The following STPG1 variants were observed in gnomAD, a reference collection of about 807,000 sequenced individuals.
The protein encoded by STPG1 is O(6)-methylguanine-induced apoptosis 2.
A neutral mutation model predicts 40.1 loss-of-function variants in STPG1; 33 were observed. The ratio of observed to expected loss-of-function variants is 0.82; its 90% confidence interval spans 0.62 to 1.10. STPG1 has a LOEUF of 1.10. Among genes scored for constraint, STPG1 ranks in the 50% least tolerant of loss-of-function variants. The pLI is 0.00. For missense variants in STPG1, 396 were observed against 415.1 expected, an observed-to-expected ratio of 0.95 and a Z score of 0.40; for synonymous variants, 150 against 155.0, an observed-to-expected ratio of 0.97 and a Z score of 0.24.
chr1:24,361,168 C>T, intron 7 of STPG1, 127 bp from the exon 8 acceptor site: 1 of 805,970 alleles, frequency 1.2e-6, no homozygotes, highest in Non-Finnish European at 1.9e-6. Context: ...GGCACTGGGG[C>T]AGAGCCCTAG....
chr1:24,359,423 A>G lies in STPG1; in HGVS notation c.929-804T>C, dbSNP rs1037079296. Reference sequence around the variant, plus strand: ...CTCACCCCTTGTATGGAGCATTTGCATGTTTGCAATGCTGAGTTCTCCTCG... The same window carrying G: ...CTCACCCCTTGTATGGAGCATTTGCGTGTTTGCAATGCTGAGTTCTCCTCG... On this transcript the variant is annotated intron_variant, in intron 8 of 8. Transcript: ENST00000337248. The surrounding 1 kb of genome is among the most constrained non-coding windows in gnomAD (Gnocchi z 5.3). 1.3e-5 allele frequency among the ~76,000 whole-genome samples: 2 copies of G among 152,198 alleles called. No homozygotes were observed. Among genetic ancestry groups the G allele is most frequent in the African/African-American group, 2.4e-5 (1 of 41,448 alleles).
rs760946043 is a variant in STPG1 at position 24,358,262 on chromosome 1, T to A, written c.*281A>T. On this transcript the variant is annotated 3_prime_UTR_variant, in exon 9 of 9. Transcript: ENST00000337248. ...CGTGCCGGAAGGCAGCCTGGATGGG[T>A]GCGTGGGGAAGCAGCCAGGGGGCTC... The A allele has an allele frequency of 4.7e-6, 3 of 633,062 alleles. No individual in the cohort carries two copies. The highest frequency in any genetic ancestry group is 4.5e-5 in the South Asian group (3 of 66,120). 39.2% of individuals were successfully genotyped at this position (633,062 alleles called of 1,614,324 possible).
intron 3 of STPG1, among the ~76,000 whole-genome samples, chr1:24,386,200 T>C (rs756911724): frequency 6.6e-6 from 1 of 152,232 alleles, no homozygotes; most frequent in Admixed American, 6.5e-5. Flanking sequence ...AGAGTTGCCA[T>C]TTATCTGAAA....
In STPG1 at chr1:24,358,589, T is replaced by A. The variant is rs777879742; in HGVS notation, c.959A>T (p.Gln320Leu). Residue 320 changes from glutamine to leucine, a missense_variant, in exon 9 of 9, where the codon CAG becomes CTG. Gln to Leu is a moderately radical substitution (Grantham distance 113). Transcript: ENST00000337248. ...ATYKPELPGK[Q>L]SFLYNEDKKW... is the part of the protein sequence containing the mutation. ...CTTGTCCTCGTTGTAGAGGAAGGAC[T>A]GCTTTCCTGGAAGCTCTGGCTTGTA... 1 of 1,614,104 alleles carries A rather than the reference T, an allele frequency of 6.2e-7. No homozygotes were observed. Among genetic ancestry groups the A allele is most frequent in the South Asian group, 1.1e-5 (1 of 91,086 alleles).
rs1276777538 is a variant in STPG1 at position 24,399,290 on chromosome 1, G to A, written c.70+2029C>T. Among the ~76,000 whole-genome samples the A allele has an allele frequency of 6.6e-6, 1 of 152,132 alleles. No individual in the cohort carries two copies. Among genetic ancestry groups the A allele is most frequent in the African/African-American group, 2.4e-5 (1 of 41,434 alleles). The stretch of plus-strand genomic sequence containing the variant: ...GCATATGCCTGGACACTTGATTTAT[G>A]ACAAAGGTAGCAACAGCAATACAGA... On this transcript the variant is annotated intron_variant, in intron 2 of 8. Transcript: ENST00000337248. The surrounding 1 kb of genome is among the most constrained non-coding windows in gnomAD (Gnocchi z 4.0).
Position 24,359,061 on chromosome 1 carries a change from A to G in STPG1, c.929-442T>C, listed in dbSNP as rs1640917054. On this transcript the variant is annotated intron_variant, in intron 8 of 8. Transcript: ENST00000337248. This position sits in a 1 kb window ranked among gnomAD's most constrained non-coding sequence, Gnocchi z 5.3. ...GAACTGTAGCCCCAGGTGACCAGAA[A>G]CTCATGTTGATACTGACTTGGTTAA... Among the ~76,000 whole-genome samples the G allele has an allele frequency of 6.6e-6, 1 of 152,082 alleles. No homozygotes were observed. Among genetic ancestry groups the G allele is most frequent in the African/African-American group, 2.4e-5 (1 of 41,412 alleles).
At chr1:24,379,493 AAG>A (rs1436879069) in intron 5 of STPG1, 158 bp downstream of exon 5, 1 of 729,870 alleles carries the variant, frequency 1.4e-6, no homozygotes, top group African/African-American at 1.8e-5. Flanking sequence ...AATTCCCTGT[AAG>A]AGTCTTGTAC....
chr1:24,366,731 C>T (rs1039782547), intron 7 of STPG1, among the ~76,000 whole-genome samples: 18 of 152,274 alleles, frequency 1.2e-4, no homozygotes, highest in African/African-American at 4.1e-4. Flanking sequence ...AATGCAGACA[C>T]CCTTCTTTCG....
intron 7 of STPG1, among the ~76,000 whole-genome samples, chr1:24,362,354 C>G (rs1641177231): frequency 6.6e-6 from 1 of 152,172 alleles, no homozygotes; most frequent in Admixed American, 6.5e-5. Context: ...GTGTTTGGCA[C>G]CTAGCAATAT....
chr1:24,398,686 A>G (rs990723469), intron 2 of STPG1, among the ~76,000 whole-genome samples: 1 of 152,078 alleles, frequency 6.6e-6, no homozygotes, highest in African/African-American at 2.4e-5. Context: ...AAAATCAATT[A>G]ATTTTTTTGT....
At chr1:24,361,529 TC>T (rs950575324) in intron 7 of STPG1, among the ~76,000 whole-genome samples, 3 of 152,032 alleles carry the variant, frequency 2.0e-5, no homozygotes, top group South Asian at 4.1e-4. Context: ...GAAAGAAGCA[TC>T]CCACATTCCA....
At chr1:24,408,770 CATTT>C (rs1169007238) in intron 1 of STPG1, among the ~76,000 whole-genome samples, 1 of 152,128 alleles carries the variant, frequency 6.6e-6, no homozygotes, top group Non-Finnish European at 1.5e-5. Flanking sequence ...TCATTTTGCC[CATTT>C]TTTTCCCTAA....
At chr1:24,373,654 TG>T in intron 6 of STPG1, 47 bp downstream of exon 6, 1 of 1,301,050 alleles carries the variant, frequency 7.7e-7, no homozygotes, top group Non-Finnish European at 1.1e-6. Context: ...AAATCAAATC[TG>T]GGACACTTAA....
rs56972835 is a variant in STPG1 at position 24,382,917 on chromosome 1, C to CTTTTTT, written c.291+979_291+984dup. 5.3e-4 allele frequency among the ~76,000 whole-genome samples: 71 copies of CTTTTTT among 133,492 alleles called. 6 individuals are homozygous for CTTTTTT. Among genetic ancestry groups the CTTTTTT allele is most frequent in the East Asian group, 1.1e-3 (5 of 4,654 alleles). The allele number at this position is 133,492 out of a possible 152,430, so 87.6% of individuals were successfully genotyped here. ...AGAGTCTGGGCTTGCTTTCTTTTCA[C>CTTTTTT]TTTTTTTTTTTTTGGACAGAGTCTG... is the stretch of plus-strand genomic sequence containing the variant. On this transcript the variant is annotated intron_variant, in intron 4 of 8. Coordinates refer to ENST00000337248, the MANE Select transcript of STPG1 (RefSeq NM_001199013.2).
At position 24,369,714 on chromosome 1, in the gene STPG1, G is replaced by A. The variant is rs765975816; in HGVS notation, c.697C>T (p.Pro233Ser). 2.2e-5 allele frequency: 36 copies of A among 1,607,990 alleles called. 1 individual carries two copies. In the Middle Eastern group the frequency reaches 2.5e-3, roughly 111 times the overall value. Residue 233 changes from proline (P) to serine (S), a missense_variant, in exon 7 of 9, where the codon CCC becomes TCC. Coordinates refer to ENST00000337248, the MANE Select transcript of STPG1 (RefSeq NM_001199013.2). ...STGPGPGYYN[P>S]SDCTKVPKKT... ...TTTGGAACTTTTGTGCAATCACTGG[G>A]GTTGTAATAACCAGGTCCCGGGCCT...
At chr1:24,383,798 T>C (rs1177122195) in intron 4 of STPG1, 104 bp downstream of exon 4, 10 of 774,088 alleles carry the variant, frequency 1.3e-5, no homozygotes, top group South Asian at 1.5e-5. Context: ...ATTAGAACCA[T>C]AGGCCTTTGG....
intron 1 of STPG1, among the ~76,000 whole-genome samples, chr1:24,410,512 T>C (rs1288915896): frequency 1.4e-4 from 22 of 152,102 alleles, no homozygotes; most frequent in Non-Finnish European, 2.9e-5. Context: ...AGGAGACTGA[T>C]GCAGGAGAAT....
chr1:24,371,999 G>A (rs1641769255), intron 6 of STPG1, among the ~76,000 whole-genome samples: 1 of 152,192 alleles, frequency 6.6e-6, no homozygotes, highest in African/African-American at 2.4e-5. Context: ...CCCACATGGT[G>A]AAATCCTGTT....
At chr1:24,411,936 T>C (rs1331475216) in intron 1 of STPG1, 1 of 149,574 alleles carries the variant, frequency 6.7e-6, no homozygotes, top group Non-Finnish European at 1.5e-5. Context: ...CCTTCCTGTA[T>C]CAAAGCTGAT....
Sources: gnomAD v4.1 joint callset for allele counts (sites outside exome capture counted in the v4.1 genomes callset) on GRCh38, gnomAD v4.1.1 for gene constraint, Gnocchi (gnomAD v3.1) non-coding constraint, MANE v1.5 for transcripts, NCBI Gene and HGNC (gene_info 2026-07-23, HGNC 2026-07-21) for gene names.